Variants in ZNF846 observed in about 807,000 individuals in gnomAD.
ZNF846 encodes zinc finger protein 846.
Under a neutral mutation model 16.0 loss-of-function variants are expected in ZNF846, and 15 were observed. The ratio of observed to expected loss-of-function variants is 0.94; its 90% confidence interval spans 0.63 to 1.45. The LOEUF (loss-of-function observed/expected upper bound fraction) is 1.45, where lower values mean the gene tolerates loss of function less well. Ranked by LOEUF, ZNF846 falls within the 40% of genes most tolerant of loss-of-function variation. The probability of loss-of-function intolerance (pLI) is 0.00; values close to 1 mark genes in which losing one functional copy is unlikely to be tolerated. For synonymous variants in ZNF846, 229 were observed against 212.0 expected, an observed-to-expected ratio of 1.08 and a Z score of -0.70; for missense variants, 714 against 622.3, an observed-to-expected ratio of 1.15 and a Z score of -1.57.
At chr19:9,751,897 G>C (rs919987640), downstream of ZNF846, 2 of 153,294 alleles carry the variant, frequency 1.3e-5, no homozygotes, top group Non-Finnish European at 2.9e-5. Context: ...CAGCCCACTT[G>C]TACCCTAGTG....
chr19:9,754,233 C>T (rs564098441), downstream of ZNF846, among the ~76,000 whole-genome samples: 14 of 151,474 alleles, frequency 9.2e-5, no homozygotes, highest in Middle Eastern at 3.4e-3. Flanking sequence ...TGATCTTTTT[C>T]CATTATTTAA....
At chr19:9,782,510 G>A (rs2045512150) in intron 1 of ZNF846, among the ~76,000 whole-genome samples, 1 of 152,080 alleles carries the variant, frequency 6.6e-6, no homozygotes, top group African/African-American at 2.4e-5. Context: ...CAGTCCTCCC[G>A]ACTCAGCCTC....
chr19:9,757,510 TAGCAAGTGCTGAAG>T lies in ZNF846; in HGVS notation c.1553_1566del (p.Ser518Ter). Reference sequence around the variant, plus strand: ...TCACATGCCTTAGTTCTTAGATGTTTAGCAAGTGCTGAAGATTGAGTGAAGTTTTTCCCACATTT... The same window carrying T: ...TCACATGCCTTAGTTCTTAGATGTTTATTGAGTGAAGTTTTTCCCACATTT... On this transcript the variant is annotated frameshift_variant, in exon 6 of 6. Coordinates refer to ENST00000397902, the Ensembl canonical transcript of ZNF846. LOFTEE classifies it low-confidence loss of function (END_TRUNC). 1.9e-6 allele frequency: 3 copies of T among 1,605,570 alleles called. No individual in the cohort carries two copies. The highest frequency in any genetic ancestry group is 2.6e-6 in the Non-Finnish European group (3 of 1,176,460).
downstream of ZNF846, among the ~76,000 whole-genome samples, chr19:9,749,546 C>CTTTTTTTTTTT (rs60331343): frequency 8.0e-6 from 1 of 125,562 alleles, no homozygotes; most frequent in Non-Finnish European, 1.6e-5. Context: ...ATAAGTCTTT[C>CTTTTTTTTTTT]TTTTTTTTTT....
At chr19:9,748,853 C>T (rs149604083), downstream of ZNF846, among the ~76,000 whole-genome samples, 2,257 of 152,198 alleles carry the variant, frequency 0.015, 23 homozygotes, top group Middle Eastern at 0.027. Context: ...GCCCTCTAGG[C>T]GACTATCTTC....
At chr19:9,780,172 G>C (rs1303693933) in intron 1 of ZNF846, among the ~76,000 whole-genome samples, 1 of 149,462 alleles carries the variant, frequency 6.7e-6, no homozygotes, top group East Asian at 2.0e-4. Flanking sequence ...TTATAGGCAT[G>C]AGCCACTGCA....
rs202238240 is a variant in ZNF846 at position 9,783,546 on chromosome 19, T to A, written c.-86+2392A>T. On this transcript the variant is annotated intron_variant, in intron 1 of 4. Transcript: ENST00000586814. ...ATCACTAAAAAAAAAAAAAAAAAAA[T>A]ATATATATATATATATATATTCTTT... Among the ~76,000 whole-genome samples the A allele has an allele frequency of 9.1e-3, 1,143 of 125,712 alleles. 7 individuals are homozygous for A. The highest frequency in any genetic ancestry group is 0.04 in the East Asian group (181 of 4,574). The allele number at this position is 125,712 out of a possible 152,430, so 82.5% of individuals were successfully genotyped here.
chr19:9,770,958 T>C (rs1343089677), upstream of ZNF846, among the ~76,000 whole-genome samples: 1 of 151,340 alleles, frequency 6.6e-6, no homozygotes, highest in Non-Finnish European at 1.5e-5. Flanking sequence ...AAAAGGTTTA[T>C]TTATTTATTT....
chr19:9,754,929 G>A (rs145277278), downstream of ZNF846, among the ~76,000 whole-genome samples: 126 of 150,878 alleles, frequency 8.4e-4, 1 homozygote, highest in East Asian at 0.014. Context: ...CCAATGGTGC[G>A]ATTTCGAGTC....
At chr19:9,757,660 T>G in exon 6 of ZNF846, 1 of 1,613,428 alleles carries the variant, frequency 6.2e-7, no homozygotes, top group South Asian at 1.1e-5. Flanking sequence ...TTTTCTCCTG[T>G]GTGCGTTCGC....
At chr19:9,761,926 G>C (rs560973358) in intron 4 of ZNF846, among the ~76,000 whole-genome samples, 156 bp downstream of exon 4, 1 of 152,272 alleles carries the variant, frequency 6.6e-6, no homozygotes, top group Non-Finnish European at 1.5e-5. Context: ...TTAAAGATGA[G>C]GGGAGTTGAA....
intron 1 of ZNF846, among the ~76,000 whole-genome samples, chr19:9,767,124 G>T (rs939771518): frequency 2.6e-5 from 4 of 151,548 alleles, no homozygotes; most frequent in Non-Finnish European, 5.9e-5. Flanking sequence ...ACTGTGCCCG[G>T]CCTAGTTTTA....
At chr19:9,752,412 A>G (rs2045091438) in exon 6 of ZNF846, 1 of 402,398 alleles carries the variant, frequency 2.5e-6, no homozygotes, top group Non-Finnish European at 5.0e-6. Flanking sequence ...GTTTGACACC[A>G]GCCTGGACAA....
intron 1 of ZNF846, among the ~76,000 whole-genome samples, chr19:9,781,971 T>A (rs1409059587): frequency 6.6e-6 from 1 of 151,974 alleles, no homozygotes; most frequent in Non-Finnish European, 1.5e-5. Flanking sequence ...GAGATGGGGT[T>A]TCACCATGTT....
chr19:9,759,823 TCC>T, intron 5 of ZNF846, 35 bp downstream of exon 5: 1 of 1,491,052 alleles, frequency 6.7e-7, no homozygotes, highest in East Asian at 2.3e-5. Flanking sequence ...GTGCTTCTTG[TCC>T]TAGTGTGGAA....
upstream of ZNF846, among the ~76,000 whole-genome samples, chr19:9,771,102 A>G (rs2045386417): frequency 6.6e-6 from 1 of 151,952 alleles, no homozygotes; most frequent in South Asian, 2.1e-4. Flanking sequence ...GTAGTTTTTT[A>G]TCCACTTTTA....
downstream of ZNF846, among the ~76,000 whole-genome samples, chr19:9,753,684 T>G (rs1218270724): frequency 6.6e-6 from 1 of 151,720 alleles, no homozygotes; most frequent in Admixed American, 6.5e-5. Context: ...AGATCAGGAG[T>G]GTGTTGCTTA....
At chr19:9,756,095 C>T (rs911934928), downstream of ZNF846, 2 of 148,984 alleles carry the variant, frequency 1.3e-5, no homozygotes, top group Non-Finnish European at 2.9e-5. Context: ...CCACCTCGGC[C>T]TCCTAAAGTG....
chr19:9,758,569 G>C lies in ZNF846; in HGVS notation c.508C>G (p.Pro170Ala), dbSNP rs2045172324. The change falls in exon 6 of 6, where the codon CCT becomes GCT. Residue 170 changes from proline to alanine, a missense_variant. Pro to Ala is a conservative substitution (Grantham distance 27). Coordinates refer to ENST00000397902, the Ensembl canonical transcript of ZNF846. ...GCTTTTTCATGTTTAACACACTTAG[G>C]CATTTTCCCCTCAGCATGACTTTTC... is the stretch of plus-strand genomic sequence containing the variant. The C allele has an allele frequency of 1.2e-6, 2 of 1,612,526 alleles. No individual in the cohort carries two copies. The highest frequency in any genetic ancestry group is 1.7e-6 in the Non-Finnish European group (2 of 1,179,466).
Sources: allele counts gnomAD v4.1 joint callset (sites outside exome capture counted in the v4.1 genomes callset), GRCh38; gene constraint gnomAD v4.1.1; transcripts MANE v1.5; gene names NCBI Gene and HGNC (gene_info 2026-07-23, HGNC 2026-07-21).